PAM: variants seen among roughly 807,000 people sequenced by gnomAD.
The protein encoded by PAM is peptidylglycine alpha-amidating monooxygenase, also known as peptidyl-glycine alpha-amidating monooxygenase.
Under a neutral mutation model 122.1 loss-of-function variants are expected in PAM, and 72 were observed. That is an observed-to-expected ratio of 0.59 (90% confidence interval 0.49 to 0.72). The LOEUF (loss-of-function observed/expected upper bound fraction) is 0.72. PAM is among the 30% of genes least tolerant of loss of function. The pLI is 0.00. For missense variants in PAM, 1,106 were observed against 1,183.7 expected (o/e 0.93, Z 0.96); for synonymous variants, 389 against 404.4 (o/e 0.96, Z 0.46).
chr5:102,958,415 A>C (rs1761469990), intron 12 of PAM, among the ~76,000 whole-genome samples: 1 of 152,114 alleles, frequency 6.6e-6, no homozygotes, highest in Non-Finnish European at 1.5e-5. Flanking sequence ...AAAGAGAAGG[A>C]TAATATGGCG....
intron 1 of PAM, among the ~76,000 whole-genome samples, chr5:102,848,780 C>G (rs1029061497): frequency 1.3e-4 from 20 of 152,022 alleles, no homozygotes; most frequent in African/African-American, 4.6e-4. Context: ...AAAGAAATGC[C>G]AGGAAATTTG....
At chr5:102,874,476 TTTAA>T (rs1436813682) in intron 3 of PAM, among the ~76,000 whole-genome samples, 3 of 148,460 alleles carry the variant, frequency 2.0e-5, no homozygotes, top group African/African-American at 7.9e-5. Flanking sequence ...AATGTTTTTT[TTTAA>T]TAATAGAAAC....
intron 15 of PAM, among the ~76,000 whole-genome samples, chr5:102,989,215 C>G (rs186881972): frequency 6.6e-6 from 1 of 152,264 alleles, no homozygotes; most frequent in Non-Finnish European, 1.5e-5. Flanking sequence ...GGGATTAACA[C>G]AAGTGAGGCT....
At chr5:102,874,050 C>T (rs1788374664) in intron 3 of PAM, among the ~76,000 whole-genome samples, 1 of 152,116 alleles carries the variant, frequency 6.6e-6, no homozygotes, top group Non-Finnish European at 1.5e-5. Flanking sequence ...CTCCTCCCTC[C>T]CCAAATTGAG....
At chr5:102,939,362 C>T (rs551889581) in intron 7 of PAM, among the ~76,000 whole-genome samples, 4 of 152,192 alleles carry the variant, frequency 2.6e-5, no homozygotes, top group Admixed American at 6.6e-5. Flanking sequence ...CCACACTTTT[C>T]GAGTCTCATT....
chr5:102,793,676 G>A (rs575264492), intron 1 of PAM, among the ~76,000 whole-genome samples: 1 of 152,214 alleles, frequency 6.6e-6, no homozygotes, highest in Admixed American at 6.5e-5. Flanking sequence ...CAGCAATATA[G>A]AAATATCCCT....
At chr5:102,876,950 G>C (rs1326874996) in intron 3 of PAM, among the ~76,000 whole-genome samples, 1 of 152,180 alleles carries the variant, frequency 6.6e-6, no homozygotes, top group African/African-American at 2.4e-5. Flanking sequence ...GTTAGTGTTT[G>C]TTCAAGTCTT....
rs557000652 is a variant in PAM at position 102,756,627 on chromosome 5, A to G, written c.-374+1279A>G. Among the ~76,000 whole-genome samples, 166 of 152,350 alleles carry G rather than the reference A, an allele frequency of 1.1e-3. 1 individual carries two copies. The highest frequency in any genetic ancestry group is 2.0e-3 in the Non-Finnish European group (138 of 68,028). ...TTTATAATCACAGGCACAAAAAAGCATAGTTCATGCCATTCTAGTTACTTT... is the reference window on the plus strand; with the variant it reads ...TTTATAATCACAGGCACAAAAAAGCGTAGTTCATGCCATTCTAGTTACTTT... On this transcript the variant is annotated intron_variant, in intron 1 of 25. Transcript: ENST00000438793.
At chr5:102,971,075 G>GC (rs375854371) in intron 14 of PAM, among the ~76,000 whole-genome samples, 1 of 152,056 alleles carries the variant, frequency 6.6e-6, no homozygotes, top group East Asian at 1.9e-4. Context: ...CCAGTGCTGG[G>GC]ATTACAGGCA....
downstream of PAM, chr5:103,029,920 G>T (rs563972836): frequency 1.3e-5 from 2 of 152,088 alleles, no homozygotes; most frequent in Non-Finnish European, 2.9e-5. Flanking sequence ...GTAAAGTCAG[G>T]CTCTTCTAAA....
intron 22 of PAM, among the ~76,000 whole-genome samples, chr5:103,018,032 A>G (rs919034772): frequency 6.6e-6 from 1 of 152,182 alleles, no homozygotes; most frequent in African/African-American, 2.4e-5. Flanking sequence ...CATCATTTTC[A>G]TCTCTAAAAA....
At chr5:102,841,926 T>C (rs1449846227) in intron 1 of PAM, among the ~76,000 whole-genome samples, 1 of 152,082 alleles carries the variant, frequency 6.6e-6, no homozygotes, top group Admixed American at 6.6e-5. Context: ...TATGCCTAAA[T>C]TTATAGGTAA....
chr5:102,780,150 T>A (rs1758328056), intron 1 of PAM, among the ~76,000 whole-genome samples: 1 of 151,950 alleles, frequency 6.6e-6, no homozygotes, highest in African/African-American at 2.4e-5. Flanking sequence ...ACATTACATA[T>A]GCTACCCACC....
At chr5:102,942,847 G>A (rs920811738) in intron 7 of PAM, among the ~76,000 whole-genome samples, 2 of 151,594 alleles carry the variant, frequency 1.3e-5, no homozygotes, top group African/African-American at 4.8e-5. Context: ...CTGGGATTAT[G>A]GGCATGAGCC....
chr5:102,896,550 C>A (rs972230773), intron 3 of PAM, among the ~76,000 whole-genome samples: 2 of 151,544 alleles, frequency 1.3e-5, no homozygotes, highest in African/African-American at 4.8e-5. Flanking sequence ...GACACTGTTA[C>A]AAGATTACAT....
At chr5:102,761,209 G>A (rs1752258053) in intron 1 of PAM, among the ~76,000 whole-genome samples, 1 of 152,184 alleles carries the variant, frequency 6.6e-6, no homozygotes. Flanking sequence ...TTCAAGAAAG[G>A]AGGGAACTGG....
At position 102,950,015 on chromosome 5, in the gene PAM, T is replaced by A. The variant is rs372066451; in HGVS notation, c.801+37T>A. ...CTAGTTTAATTTTGAGAGAAAAAAA[T>A]ATTAACCAGCAGAAAGTAATTTTTA... is the stretch of plus-strand genomic sequence containing the variant. On this transcript the variant is annotated intron_variant, in intron 11 of 25. Coordinates refer to ENST00000438793, the MANE Select transcript of PAM (RefSeq NM_001177306.2). 70 of 1,030,826 alleles carry A rather than the reference T, an allele frequency of 6.8e-5. No individual in the cohort carries two copies. In the African/African-American group the frequency reaches 9.4e-4, roughly 14 times the overall value. The allele number at this position is 1,030,826 out of a possible 1,614,324, so 63.9% of individuals were successfully genotyped here.
chr5:102,941,797 C>T (rs947150077), intron 7 of PAM, among the ~76,000 whole-genome samples: 5 of 119,608 alleles, frequency 4.2e-5, no homozygotes, highest in Non-Finnish European at 7.9e-5. Flanking sequence ...GTACTGTTAA[C>T]TGACTTTAGG....
chr5:102,875,605 A>T (rs1399313257), intron 3 of PAM, among the ~76,000 whole-genome samples: 1 of 152,208 alleles, frequency 6.6e-6, no homozygotes, highest in African/African-American at 2.4e-5. Flanking sequence ...CTGTTAAAAG[A>T]TGCTTTGCAA....
Sources: allele counts gnomAD v4.1 joint callset (sites outside exome capture counted in the v4.1 genomes callset), GRCh38; gene constraint gnomAD v4.1.1; transcripts MANE v1.5; gene names NCBI Gene and HGNC (gene_info 2026-07-23, HGNC 2026-07-21).